Variants in RAB3GAP1 observed in about 807,000 individuals in gnomAD.
RAB3GAP1 encodes the protein RAB3 GTPase activating protein catalytic subunit 1, also known as rab3 GTPase-activating protein catalytic subunit.
A neutral mutation model predicts 130.7 loss-of-function variants in RAB3GAP1; 86 were observed. The ratio of observed to expected loss-of-function variants is 0.66; its 90% CI spans 0.55 to 0.79. The LOEUF (loss-of-function observed/expected upper bound fraction) is 0.79, where lower values mean the gene tolerates loss of function less well. Ranked by LOEUF, RAB3GAP1 falls within the 30% of genes least tolerant of loss-of-function variation. The probability of loss-of-function intolerance (pLI) is 0.00; values close to 1 mark genes in which losing one functional copy is unlikely to be tolerated. For missense variants in RAB3GAP1, 1,029 were observed against 1,169.4 expected, an observed-to-expected ratio of 0.88 and a Z score of 1.75; for synonymous variants, 367 against 401.7, an observed-to-expected ratio of 0.91 and a Z score of 1.03.
chr2:135,107,716 G>A (rs1464761577), intron 5 of RAB3GAP1, among the ~76,000 whole-genome samples: 3 of 151,924 alleles, frequency 2.0e-5, no homozygotes, highest in Non-Finnish European at 4.4e-5. Context: ...GGCTGGGTGC[G>A]GTGGCTCACG....
At chr2:135,101,944 A>G (rs929547822) in intron 5 of RAB3GAP1, among the ~76,000 whole-genome samples, 1 of 152,240 alleles carries the variant, frequency 6.6e-6, no homozygotes, top group Non-Finnish European at 1.5e-5. Flanking sequence ...GTCCAAATGG[A>G]AATTCATGAG....
At chr2:135,129,345 G>C (rs1156869424) in intron 11 of RAB3GAP1, among the ~76,000 whole-genome samples, 1 of 151,342 alleles carries the variant, frequency 6.6e-6, no homozygotes, top group Non-Finnish European at 1.5e-5. Flanking sequence ...CCAGCTACTT[G>C]GGAGGCTGAG....
intron 3 of RAB3GAP1, among the ~76,000 whole-genome samples, chr2:135,063,515 CT>C (rs1689236412): frequency 1.3e-5 from 2 of 152,150 alleles, no homozygotes; most frequent in African/African-American, 2.4e-5. Flanking sequence ...CTTCTACTTT[CT>C]GTCCATGAAT....
downstream of RAB3GAP1, among the ~76,000 whole-genome samples, chr2:135,170,957 C>T (rs1692832992): frequency 6.6e-6 from 1 of 152,118 alleles, no homozygotes; most frequent in African/African-American, 2.4e-5. Flanking sequence ...CTTTGGTCAA[C>T]AGACAGAGAC....
At chr2:135,148,692 A>G (rs1175032071) in intron 17 of RAB3GAP1, among the ~76,000 whole-genome samples, 2 of 136,810 alleles carry the variant, frequency 1.5e-5, no homozygotes, top group Non-Finnish European at 1.5e-5. Context: ...TTTTTTTTTA[A>G]GTAGAGATGG....
chr2:135,116,126 T>C (rs1690964379), intron 7 of RAB3GAP1, among the ~76,000 whole-genome samples: 1 of 152,182 alleles, frequency 6.6e-6, no homozygotes, highest in Non-Finnish European at 1.5e-5. Context: ...AACATGACAC[T>C]ATCTCACTAT....
At chr2:135,119,120 T>C (rs1188814711) in intron 7 of RAB3GAP1, among the ~76,000 whole-genome samples, 1 of 142,646 alleles carries the variant, frequency 7.0e-6, no homozygotes, top group African/African-American at 2.6e-5. Flanking sequence ...TCTGTCCTTA[T>C]TTTTTTGAGA....
chr2:135,060,460 C>G lies in RAB3GAP1; in HGVS notation c.150+2374C>G, dbSNP rs377131501. ...ATTTTTTAGTAGAGACGGGGTTTCA[C>G]TGTGTTAGCCAGGATGGTCTCGATC... is the stretch of plus-strand genomic sequence containing the variant. On this transcript the variant is annotated intron_variant, in intron 3 of 23. Coordinates refer to ENST00000264158, the MANE Select transcript of RAB3GAP1 (RefSeq NM_012233.3). Among the ~76,000 whole-genome samples, 35 of 151,946 alleles carry G rather than the reference C, an allele frequency of 2.3e-4. 1 individual carries two copies. In the East Asian group the frequency reaches 6.8e-3, roughly 29 times the overall value.
intron 3 of RAB3GAP1, among the ~76,000 whole-genome samples, chr2:135,072,385 A>G (rs1042542543): frequency 1.3e-5 from 2 of 152,300 alleles, no homozygotes; most frequent in Middle Eastern, 3.4e-3. Context: ...ATTCTAGAAG[A>G]TAAAGTTTTG....
chr2:135,159,259 G>T (rs184055948), intron 19 of RAB3GAP1, among the ~76,000 whole-genome samples: 8 of 152,324 alleles, frequency 5.3e-5, no homozygotes, highest in African/African-American at 1.9e-4. Context: ...CACATAGTGT[G>T]TTCCTCCCAG....
At chr2:135,117,642 T>TCTTCTG (rs1368370630) in intron 7 of RAB3GAP1, among the ~76,000 whole-genome samples, 3,273 of 145,028 alleles carry the variant, frequency 0.023, 38 homozygotes, top group African/African-American at 0.032. Context: ...TTCTGCTTCT[T>TCTTCTG]CTTCTGCTTC....
intron 5 of RAB3GAP1, among the ~76,000 whole-genome samples, chr2:135,096,981 G>T (rs1690314965): frequency 6.6e-6 from 1 of 151,908 alleles, no homozygotes; most frequent in African/African-American, 2.4e-5. Context: ...TTGTTAGTAG[G>T]GTGGTTTTTG....
At chr2:135,071,437 TA>T (rs1553439065) in intron 3 of RAB3GAP1, among the ~76,000 whole-genome samples, 1 of 152,174 alleles carries the variant, frequency 6.6e-6, no homozygotes, top group Non-Finnish European at 1.5e-5. Context: ...AAACTTCTTT[TA>T]GGCTCCTATC....
chr2:135,158,104 T>C (rs1305689633), intron 19 of RAB3GAP1, among the ~76,000 whole-genome samples: 1 of 152,132 alleles, frequency 6.6e-6, no homozygotes, highest in Non-Finnish European at 1.5e-5. Flanking sequence ...TTTTAAAATA[T>C]GGATAGGTAT....
At chr2:135,160,038 G>A (rs1692422235) in intron 19 of RAB3GAP1, among the ~76,000 whole-genome samples, 5 of 152,162 alleles carry the variant, frequency 3.3e-5, no homozygotes, top group Admixed American at 3.3e-4. Context: ...TTTCTTTTGG[G>A]GGAGATGAAA....
intron 7 of RAB3GAP1, among the ~76,000 whole-genome samples, chr2:135,117,504 T>TCTG (rs1691021269): frequency 4.4e-5 from 6 of 136,962 alleles, no homozygotes; most frequent in African/African-American, 1.1e-4. Flanking sequence ...TGCTTCTTCT[T>TCTG]CTTCTTCTGC....
intron 17 of RAB3GAP1, among the ~76,000 whole-genome samples, chr2:135,143,497 A>T (rs1691904294): frequency 6.6e-6 from 1 of 151,096 alleles, no homozygotes. Context: ...CTATTTTTCT[A>T]ACTTGTTTTA....
At chr2:135,119,051 A>C (rs778721095) in intron 7 of RAB3GAP1, among the ~76,000 whole-genome samples, 2 of 151,102 alleles carry the variant, frequency 1.3e-5, no homozygotes, top group Non-Finnish European at 2.9e-5. Context: ...ATCATTTTTC[A>C]TCCTAATCCT....
At chr2:135,104,562 C>A (rs1466235972) in intron 5 of RAB3GAP1, among the ~76,000 whole-genome samples, 4 of 152,002 alleles carry the variant, frequency 2.6e-5, no homozygotes, top group African/African-American at 7.2e-5. Context: ...TAATAAAGAA[C>A]CAAATGGCGG....
Sources: gnomAD v4.1 joint callset for allele counts (sites outside exome capture counted in the v4.1 genomes callset) on GRCh38, gnomAD v4.1.1 for gene constraint, MANE v1.5 for transcripts, NCBI Gene and HGNC (gene_info 2026-07-23, HGNC 2026-07-21) for gene names.